Variants in TET2 observed in about 807,000 individuals in gnomAD.
TET2 encodes the protein tet methylcytosine dioxygenase 2, also known as methylcytosine dioxygenase TET2.
A neutral mutation model predicts 142.9 loss-of-function variants in TET2; 299 were observed. The observed-to-expected ratio is 2.09, with a 90% CI of 1.90 to 2.30. The LOEUF (loss-of-function observed/expected upper bound fraction) is 2.30. TET2 is among the 30% of genes most tolerant of loss of function. The pLI, the probability that TET2 is intolerant of heterozygous loss-of-function variation, is 0.00. For missense variants in TET2, 2,418 were observed against 2,378.0 expected (o/e 1.02, Z -0.35); for synonymous variants, 819 against 849.0 (o/e 0.96, Z 0.61).
In TET2 at chr4:105,236,698, A is replaced by G. The variant is rs747915959; in HGVS notation, c.2756A>G (p.Tyr919Cys). The G allele has an allele frequency of 6.2e-7, 1 of 1,614,142 alleles. No individual in the cohort carries two copies. Among genetic ancestry groups the G allele is most frequent in the South Asian group, 1.1e-5 (1 of 91,088 alleles). The change falls in exon 3 of 11, where the codon TAC becomes TGC. Residue 919 changes from tyrosine to cysteine, a missense_variant. Coordinates refer to ENST00000380013, the MANE Select transcript of TET2 (RefSeq NM_001127208.3). ...GCTGCGCAACTTGCTCAGCAAAGGTACTTGATACATAACCATGCAAATGTT... is the reference window on the plus strand; with the variant it reads ...GCTGCGCAACTTGCTCAGCAAAGGTGCTTGATACATAACCATGCAAATGTT... ...QQAAQLAQQR[Y>C]LIHNHANVFP...
rs768227565 is a variant in TET2, at chr4:105,234,318, G to A, written c.376G>A (p.Gly126Arg). Residue 126 changes from glycine to arginine, a missense_variant, in exon 3 of 11, where the codon GGG becomes AGG. Coordinates refer to ENST00000380013, the MANE Select transcript of TET2 (RefSeq NM_001127208.3). ...GGCTAATGGAGAAAGACGTAACTTC[G>A]GGGTAAGCCAAGAAAGAAATCCAGG... ...QKANGERRNFGVSQERNPGES... is the reference protein window; with the variant it reads ...QKANGERRNFRVSQERNPGES... The A allele has an allele frequency of 1.2e-5, 19 of 1,613,924 alleles. No individual in the cohort carries two copies. The Admixed American group carries it at 2.2e-4, about 18-fold the overall frequency.
chr4:105,241,256 G>T (rs1729282232), intron 3 of TET2, 83 bp from the exon 4 acceptor site: 2 of 1,435,608 alleles, frequency 1.4e-6, no homozygotes, highest in Non-Finnish European at 1.8e-6. Flanking sequence ...TTAATGTGTA[G>T]TTGGGGGTTA....
At chr4:105,217,369 A>G (rs1727558319) in intron 2 of TET2, among the ~76,000 whole-genome samples, 1 of 152,074 alleles carries the variant, frequency 6.6e-6, no homozygotes, top group South Asian at 2.1e-4. Flanking sequence ...ATGAACTCAG[A>G]ACTCTACATC....
intron 2 of TET2, among the ~76,000 whole-genome samples, chr4:105,213,887 T>G (rs1014832532): frequency 6.6e-6 from 1 of 151,908 alleles, no homozygotes; most frequent in African/African-American, 2.4e-5. Context: ...TAAGGCAGAG[T>G]CTCCCTCTGT....
intron 2 of TET2, among the ~76,000 whole-genome samples, chr4:105,204,260 CACACACACAT>C (rs1363553531): frequency 6.0e-4 from 86 of 143,322 alleles, no homozygotes; most frequent in Non-Finnish European, 3.7e-4. Context: ...CACACACACA[CACACACACAT>C]ACATACATAC....
rs2110306123 is a variant in TET2, at chr4:105,272,666, T to C, written c.4285T>C (p.Phe1429Leu). 6.4e-7 allele frequency: 1 copy of C among 1,551,584 alleles called. No individual in the cohort carries two copies. Among genetic ancestry groups the C allele is most frequent in the Non-Finnish European group, 8.7e-7 (1 of 1,146,960 alleles). The change falls in exon 10 of 11, where the codon TTT becomes CTT. Residue 1429 changes from phenylalanine to leucine, a missense_variant. Physicochemically the swap from Phe to Leu is conservative, Grantham distance 22. Transcript: ENST00000380013. ...PLYKVSDVDE[F>L]GSVEAQEEKK... ...ATACAAAGTCTCTGACGTGGATGAG[T>C]TTGGGAGTGTGGAAGCTCAGGAGGA...
chr4:105,205,968 A>G (rs1013521376), intron 2 of TET2, among the ~76,000 whole-genome samples: 3 of 152,300 alleles, frequency 2.0e-5, no homozygotes, highest in Non-Finnish European at 2.9e-5. Flanking sequence ...TTAGAACGTT[A>G]TCACTGACAA....
intron 1 of TET2, among the ~76,000 whole-genome samples, chr4:105,173,603 A>G (rs981080289): frequency 6.6e-6 from 1 of 152,168 alleles, no homozygotes; most frequent in Non-Finnish European, 1.5e-5. Flanking sequence ...TCAATAAAGG[A>G]AATAAAGAAA....
chr4:105,149,500 A>C (rs1723200050), intron 1 of TET2, among the ~76,000 whole-genome samples: 1 of 152,238 alleles, frequency 6.6e-6, no homozygotes, highest in Non-Finnish European at 1.5e-5. Context: ...GGTAGTTTAC[A>C]ATAAAAGACA....
intron 1 of TET2, among the ~76,000 whole-genome samples, chr4:105,180,111 G>A (rs2110446445): frequency 6.6e-6 from 1 of 152,280 alleles, no homozygotes; most frequent in South Asian, 2.1e-4. Context: ...ATCTTCAAGT[G>A]TAAGGAATTA....
At chr4:105,152,180 T>TA (rs1382397639) in intron 1 of TET2, among the ~76,000 whole-genome samples, 1 of 152,020 alleles carries the variant, frequency 6.6e-6, no homozygotes, top group African/African-American at 2.4e-5. Flanking sequence ...TGGAGGCTGA[T>TA]ACAGGAGAAT....
chr4:105,171,192 T>A (rs1029760127), intron 1 of TET2, among the ~76,000 whole-genome samples: 1 of 152,168 alleles, frequency 6.6e-6, no homozygotes, highest in East Asian at 1.9e-4. Flanking sequence ...TCTGTTTTAT[T>A]CAAAGTGTTA....
intron 2 of TET2, among the ~76,000 whole-genome samples, chr4:105,201,638 T>C (rs79290127): frequency 0.032 from 4,812 of 149,628 alleles, 184 homozygotes; most frequent in African/African-American, 0.09. Flanking sequence ...AAGCAAAGTA[T>C]AAAGTAATAG....
At chr4:105,222,916 T>G (rs1392442067) in intron 2 of TET2, among the ~76,000 whole-genome samples, 1 of 152,214 alleles carries the variant, frequency 6.6e-6, no homozygotes, top group Non-Finnish European at 1.5e-5. Flanking sequence ...AGGGATCCAG[T>G]TTCAGCTTTC....
rs765003037 is a variant in TET2 at position 105,234,184 on chromosome 4, A to T, written c.242A>T (p.Glu81Val). Reference sequence around the variant, plus strand: ...CGTGTGAGTCCTGACTTTACACAAGAAAGTAGAGGGTATTCCAAGTGTTTG... The same window carrying T: ...CGTGTGAGTCCTGACTTTACACAAGTAAGTAGAGGGTATTCCAAGTGTTTG... ...NSRVSPDFTQ[E>V]SRGYSKCLQN... The change falls in exon 3 of 11, where the codon GAA becomes GTA. Residue 81 changes from glutamate to valine, a missense_variant. Transcript: ENST00000380013. 9.3e-6 allele frequency: 15 copies of T among 1,614,070 alleles called. No homozygotes were observed. In the African/African-American group the frequency reaches 1.7e-4, roughly 19 times the overall value.
rs371500341 is a variant in TET2, at chr4:105,237,509, C to T, written c.3409+158C>T. 1.3e-5 allele frequency: 21 copies of T among 1,599,456 alleles called. No homozygotes were observed. The Middle Eastern group carries it at 9.0e-4, about 68-fold the overall frequency. ...AAGCTTACATTTTTTGTCAAGTTACCGATGCTTGTGTCTTGTGAAAGAGAA... is the reference window on the plus strand; with the variant it reads ...AAGCTTACATTTTTTGTCAAGTTACTGATGCTTGTGTCTTGTGAAAGAGAA... On this transcript the variant is annotated intron_variant, in intron 3 of 10. Transcript: ENST00000380013.
At chr4:105,179,637 G>A (rs1263585196) in intron 1 of TET2, among the ~76,000 whole-genome samples, 2 of 152,094 alleles carry the variant, frequency 1.3e-5, no homozygotes, top group African/African-American at 4.8e-5. Flanking sequence ...AAAGTAATTT[G>A]TAGTCAGCTG....
intron 2 of TET2, among the ~76,000 whole-genome samples, chr4:105,214,744 C>T (rs1207621332): frequency 6.6e-6 from 1 of 152,000 alleles, no homozygotes; most frequent in African/African-American, 2.4e-5. Flanking sequence ...ATAGCTGAAC[C>T]AGTGGAGGTT....
intron 2 of TET2, among the ~76,000 whole-genome samples, chr4:105,218,616 C>T (rs73836097): frequency 0.025 from 3,871 of 152,006 alleles, 173 homozygotes; most frequent in African/African-American, 0.089. Flanking sequence ...TCATTCCCCT[C>T]GTATTATAAA....
Sources: allele counts gnomAD v4.1 joint callset (sites outside exome capture counted in the v4.1 genomes callset), GRCh38; gene constraint gnomAD v4.1.1; transcripts MANE v1.5; gene names NCBI Gene and HGNC (gene_info 2026-07-23, HGNC 2026-07-21).